The following CSRP2 variants were observed in gnomAD, a reference collection of about 807,000 sequenced individuals.
CSRP2 encodes the protein cysteine and glycine rich protein 2, also known as cysteine and glycine-rich protein 2.
CSRP2 carries 18 observed loss-of-function variants against 24.6 expected under a neutral mutation model. That is an observed-to-expected ratio of 0.73 (90% confidence interval 0.51 to 1.09). The LOEUF (loss-of-function observed/expected upper bound fraction) is 1.09. Among genes scored for constraint, CSRP2 ranks in the 50% least tolerant of loss-of-function variants. The pLI, the probability that CSRP2 is intolerant of heterozygous loss-of-function variation, is 0.00. For synonymous variants in CSRP2, 87 were observed against 84.3 expected, an observed-to-expected ratio of 1.03 and a Z score of -0.18; for missense variants, 215 against 239.4, an observed-to-expected ratio of 0.90 and a Z score of 0.67.
chr12:76,859,455 T>C (rs759291191), intron 5 of CSRP2, 92 bp downstream of exon 5: 3 of 789,870 alleles, frequency 3.8e-6, no homozygotes, highest in Non-Finnish European at 4.0e-6. Context: ...GGCATACTTT[T>C]CTTTTTTTTT....
intron 4 of CSRP2, 21 bp from the exon 5 acceptor site, chr12:76,859,661 A>C: frequency 1.3e-6 from 2 of 1,583,614 alleles, no homozygotes; most frequent in Non-Finnish European, 1.7e-6. Context: ...TGAATGTGTC[A>C]GCATGTTTGA....
intron 1 of CSRP2, among the ~76,000 whole-genome samples, chr12:76,874,801 T>C (rs1953837669): frequency 6.6e-6 from 1 of 152,060 alleles, no homozygotes; most frequent in South Asian, 2.1e-4. Flanking sequence ...GTGAATTGTG[T>C]AGGTGAGGGA....
rs192795991 is a variant in CSRP2, at chr12:76,862,481, C to T, written c.281+695G>A. 4.4e-3 allele frequency: 744 copies of T among 169,852 alleles called. 16 individuals are homozygous for T. In the East Asian group the frequency reaches 0.063, roughly 14 times the overall value. 10.5% of individuals were successfully genotyped at this position (169,852 alleles called of 1,614,324 possible). ...ACTTGAACCTGGGAGGCAGAGGTTG[C>T]AGTGAGCCGAGATTGTGCCAGTGCA... On this transcript the variant is annotated intron_variant, in intron 3 of 5. Transcript: ENST00000311083.
At chr12:76,864,086 T>C (rs577261099) in intron 2 of CSRP2, 2 of 152,364 alleles carry the variant, frequency 1.3e-5, no homozygotes, top group East Asian at 1.9e-4. Context: ...TCTTTCTTGA[T>C]GGATCTCTTG....
At chr12:76,861,777 CTT>C (rs1448712851) in intron 3 of CSRP2, 1 of 152,150 alleles carries the variant, frequency 6.6e-6, no homozygotes, top group African/African-American at 2.4e-5. Flanking sequence ...TGACCCGACT[CTT>C]AGTGTCGTCA....
chr12:76,859,456 CTTT>C (rs529262700), intron 5 of CSRP2, 88 bp downstream of exon 5: 283 of 667,278 alleles, frequency 4.2e-4, no homozygotes, highest in South Asian at 7.7e-4. Flanking sequence ...GCATACTTTT[CTTT>C]TTTTTTTTTT....
chr12:76,871,752 A>G (rs1953802098), intron 1 of CSRP2, among the ~76,000 whole-genome samples: 1 of 133,808 alleles, frequency 7.5e-6, no homozygotes. Context: ...TGAAACTGCA[A>G]GACTCCGACT....
chr12:76,862,807 T>TA (rs752146897), intron 3 of CSRP2: 2 of 1,462,228 alleles, frequency 1.4e-6, no homozygotes, highest in Non-Finnish European at 9.0e-7. Flanking sequence ...ATTGGCTGCT[T>TA]ACATTGCACA....
At chr12:76,877,978 C>CA (rs201619745) in intron 1 of CSRP2, among the ~76,000 whole-genome samples, 8 of 109,646 alleles carry the variant, frequency 7.3e-5, no homozygotes, top group African/African-American at 1.6e-4. Flanking sequence ...CCCCACCCCC[C>CA]AAAAAAAATT....
At chr12:76,873,723 A>G (rs911179381) in intron 1 of CSRP2, among the ~76,000 whole-genome samples, 2 of 152,196 alleles carry the variant, frequency 1.3e-5, no homozygotes, top group Non-Finnish European at 2.9e-5. Flanking sequence ...GATAGTATCA[A>G]TATTTAGCAA....
intron 1 of CSRP2, among the ~76,000 whole-genome samples, chr12:76,869,858 C>T (rs1361316660): frequency 6.6e-6 from 1 of 152,200 alleles, no homozygotes; most frequent in Non-Finnish European, 1.5e-5. Flanking sequence ...AAACCTAAGA[C>T]ATAAAGCCTT....
chr12:76,862,066 G>A (rs1953686172), intron 3 of CSRP2: 1 of 152,198 alleles, frequency 6.6e-6, no homozygotes, highest in Non-Finnish European at 1.5e-5. Context: ...TTGTAGGACT[G>A]TTGTGAGGAT....
chr12:76,876,442 A>G (rs1253773254), intron 1 of CSRP2, among the ~76,000 whole-genome samples: 1 of 152,224 alleles, frequency 6.6e-6, no homozygotes, highest in Non-Finnish European at 1.5e-5. Context: ...CTTCTCCACT[A>G]TCCAGACTGA....
chr12:76,872,842 G>A (rs540698138), intron 1 of CSRP2, among the ~76,000 whole-genome samples: 27 of 152,010 alleles, frequency 1.8e-4, no homozygotes, highest in African/African-American at 6.3e-4. Context: ...TAAACTCTCC[G>A]CTCCTTAAAA....
chr12:76,863,091 C>T (rs1257118655), intron 3 of CSRP2, 85 bp downstream of exon 3: 5 of 1,505,990 alleles, frequency 3.3e-6, no homozygotes, highest in Non-Finnish European at 4.4e-6. Flanking sequence ...AACTAAAAAT[C>T]TGGAGACTGC....
chr12:76,864,146 C>G (rs566661778), intron 2 of CSRP2: 2 of 152,320 alleles, frequency 1.3e-5, no homozygotes, highest in South Asian at 4.1e-4. Context: ...CAAATGTCAT[C>G]GAGTTTCATC....
intron 1 of CSRP2, among the ~76,000 whole-genome samples, chr12:76,869,181 G>C (rs1953766534): frequency 6.6e-6 from 1 of 152,120 alleles, no homozygotes; most frequent in Admixed American, 6.5e-5. Context: ...CTGGAGGCCA[G>C]GAACACTGTA....
chr12:76,873,713 G>A (rs150590527), intron 1 of CSRP2, among the ~76,000 whole-genome samples: 118 of 152,276 alleles, frequency 7.7e-4, no homozygotes, highest in Non-Finnish European at 1.4e-3. Flanking sequence ...GGACTCAAAT[G>A]ATAGTATCAA....
chr12:76,864,736 T>G (rs1412734893), intron 2 of CSRP2: 2 of 152,098 alleles, frequency 1.3e-5, no homozygotes, highest in Admixed American at 1.3e-4. Context: ...TAAAATTTAG[T>G]CTATTATCTT....
Sources: gnomAD v4.1 joint callset for allele counts (sites outside exome capture counted in the v4.1 genomes callset) on GRCh38, gnomAD v4.1.1 for gene constraint, MANE v1.5 for transcripts, NCBI Gene and HGNC (gene_info 2026-07-23, HGNC 2026-07-21) for gene names.